The following ITGA9 variants were observed in gnomAD, a reference collection of about 807,000 sequenced individuals.
ITGA9 encodes integrin subunit alpha 9, also known as integrin alpha-9.
ITGA9 carries 56 observed loss-of-function variants against 127.8 expected under a neutral mutation model. The observed-to-expected ratio is 0.44, with a 90% confidence interval of 0.35 to 0.55. ITGA9 has a LOEUF of 0.55. ITGA9 is among the 20% of genes least tolerant of loss of function. ITGA9 has a pLI of 0.00. For missense variants in ITGA9, 1,196 were observed against 1,347.1 expected (o/e 0.89, Z 1.76); for synonymous variants, 508 against 514.5 (o/e 0.99, Z 0.17).
intron 27 of ITGA9, among the ~76,000 whole-genome samples, chr3:37,810,913 TC>T (rs1697361578): frequency 6.6e-6 from 1 of 152,226 alleles, no homozygotes; most frequent in Non-Finnish European, 1.5e-5. Flanking sequence ...AGCTCCAGGC[TC>T]CCTGCTGATG....
At chr3:37,687,949 G>A (rs62241491) in intron 18 of ITGA9, among the ~76,000 whole-genome samples, 3 of 152,310 alleles carry the variant, frequency 2.0e-5, no homozygotes, top group East Asian at 1.9e-4. Context: ...TAGGCACCTT[G>A]GGCTTGTCTT....
chr3:37,597,054 C>A lies in ITGA9; in HGVS notation c.1690-32133C>A, dbSNP rs1285882211. 6.6e-6 allele frequency among the ~76,000 whole-genome samples: 1 copy of A among 152,176 alleles called. No homozygotes were observed. The highest frequency in any genetic ancestry group is 2.4e-5 in the African/African-American group (1 of 41,444). On this transcript the variant is annotated intron_variant, in intron 15 of 27. Transcript: ENST00000264741. The surrounding 1 kb of genome is among the most constrained non-coding windows in gnomAD (Gnocchi z 4.6). ...GGAAGTGACTGCAGCTTTTTTATCT[C>A]CCACTTCCCACCCTCTAGCAACCTT...
At chr3:37,521,088 G>T (rs1699039753) in intron 11 of ITGA9, among the ~76,000 whole-genome samples, 1 of 152,074 alleles carries the variant, frequency 6.6e-6, no homozygotes. Flanking sequence ...TGGCTCCTTT[G>T]CTTTGACAAA....
chr3:37,544,299 C>T (rs972087625), intron 15 of ITGA9, among the ~76,000 whole-genome samples: 36 of 152,046 alleles, frequency 2.4e-4, no homozygotes, highest in African/African-American at 8.0e-4. Flanking sequence ...ATCAGGGTTG[C>T]GCAAGGGGTT....
chr3:37,726,727 C>G (rs1696210392), intron 18 of ITGA9, among the ~76,000 whole-genome samples: 1 of 152,192 alleles, frequency 6.6e-6, no homozygotes, highest in Admixed American at 6.5e-5. Flanking sequence ...TGGCATCTCC[C>G]ATAAGCCAAG....
intron 17 of ITGA9, among the ~76,000 whole-genome samples, chr3:37,678,034 G>A (rs1453939122): frequency 6.6e-6 from 1 of 152,158 alleles, no homozygotes; most frequent in Non-Finnish European, 1.5e-5. Context: ...GAAAACTGGG[G>A]ATTGTATGTG....
chr3:37,811,971 A>G (rs539318278), intron 27 of ITGA9, among the ~76,000 whole-genome samples: 5 of 152,372 alleles, frequency 3.3e-5, no homozygotes, highest in Non-Finnish European at 2.9e-5. Context: ...AGAAACACTT[A>G]GAAAACAAAT....
chr3:37,484,394 G>T (rs1306179395), intron 4 of ITGA9, among the ~76,000 whole-genome samples: 1 of 152,158 alleles, frequency 6.6e-6, no homozygotes, highest in African/African-American at 2.4e-5. Context: ...TCTGTGCTCT[G>T]TTGGCTTTAG....
chr3:37,510,991 C>G (rs1698899213), intron 8 of ITGA9, among the ~76,000 whole-genome samples: 1 of 152,110 alleles, frequency 6.6e-6, no homozygotes. Flanking sequence ...CTGACTTCTC[C>G]ATTACCTCCT....
chr3:37,645,501 T>C lies in ITGA9; in HGVS notation c.1840-8213T>C, dbSNP rs556907852. Among the ~76,000 whole-genome samples, 10 of 152,178 alleles carry C rather than the reference T, an allele frequency of 6.6e-5. No homozygotes were observed. In the South Asian group the frequency reaches 2.1e-3, roughly 32 times the overall value. ...GAGACTTGAACCCAGGAGGTAGAGG[T>C]TGCAGTTAGCCAAGATCGTGCCACT... is the stretch of plus-strand genomic sequence containing the variant. On this transcript the variant is annotated intron_variant, in intron 16 of 27. Transcript: ENST00000264741.
At chr3:37,563,277 G>A (rs906392672) in intron 15 of ITGA9, among the ~76,000 whole-genome samples, 3 of 152,144 alleles carry the variant, frequency 2.0e-5, no homozygotes, top group African/African-American at 4.8e-5. Context: ...CATATAACCC[G>A]ACAGTCAGCT....
intron 15 of ITGA9, among the ~76,000 whole-genome samples, chr3:37,566,651 G>A (rs1017109570): frequency 1.3e-5 from 2 of 152,206 alleles, no homozygotes; most frequent in African/African-American, 4.8e-5. Flanking sequence ...CTTCAGCAGA[G>A]CTTGGCTACA....
At chr3:37,630,584 AG>A (rs1700221597) in intron 16 of ITGA9, among the ~76,000 whole-genome samples, 1 of 152,206 alleles carries the variant, frequency 6.6e-6, no homozygotes, top group South Asian at 2.1e-4. Flanking sequence ...CCTCCTTGAA[AG>A]GAGATCCCCT....
At chr3:37,613,828 A>T (rs1441024624) in intron 15 of ITGA9, among the ~76,000 whole-genome samples, 2 of 152,124 alleles carry the variant, frequency 1.3e-5, no homozygotes, top group Admixed American at 6.5e-5. Flanking sequence ...TTCTTCTTGT[A>T]AATTTGTTTG....
Position 37,707,093 on chromosome 3 carries a change from C to G in ITGA9, c.2067+23078C>G, listed in dbSNP as rs564721291. 8.5e-5 allele frequency among the ~76,000 whole-genome samples: 13 copies of G among 152,274 alleles called. 1 individual carries two copies. The highest frequency in any genetic ancestry group is 2.6e-4 in the African/African-American group (11 of 41,562). On this transcript the variant is annotated intron_variant, in intron 18 of 27. Coordinates refer to ENST00000264741, the MANE Select transcript of ITGA9 (RefSeq NM_002207.3). ...TAACCTATACTATACAAGAAGTTAT[C>G]AGCTAAGCAAATAAAATCCAGACTT...
At chr3:37,581,880 T>C (rs563068552) in intron 15 of ITGA9, among the ~76,000 whole-genome samples, 10 of 152,306 alleles carry the variant, frequency 6.6e-5, no homozygotes, top group East Asian at 3.9e-4. Context: ...CAAAATTCAA[T>C]TGGATACATC....
chr3:37,723,328 T>G (rs974409799), intron 18 of ITGA9, among the ~76,000 whole-genome samples: 2 of 87,178 alleles, frequency 2.3e-5, no homozygotes, highest in Non-Finnish European at 3.1e-5. Flanking sequence ...GATTATCCAG[T>G]TTTTTTTGCT....
intron 15 of ITGA9, among the ~76,000 whole-genome samples, chr3:37,555,258 A>C (rs561309990): frequency 6.6e-6 from 1 of 152,214 alleles, no homozygotes; most frequent in Non-Finnish European, 1.5e-5. Flanking sequence ...AGGTTGGAAG[A>C]TGTCTAAGTA....
intron 17 of ITGA9, among the ~76,000 whole-genome samples, chr3:37,682,895 T>C (rs1346111114): frequency 1.3e-5 from 2 of 152,156 alleles, no homozygotes; most frequent in Non-Finnish European, 2.9e-5. Flanking sequence ...ACGTTCATCT[T>C]CTCACACCTG....
Sources: allele counts gnomAD v4.1 joint callset (sites outside exome capture counted in the v4.1 genomes callset), GRCh38; gene constraint gnomAD v4.1.1; non-coding constraint Gnocchi (gnomAD v3.1); transcripts MANE v1.5; gene names NCBI Gene and HGNC (gene_info 2026-07-23, HGNC 2026-07-21).